Variants in SLIT1 observed in about 807,000 individuals in gnomAD.
SLIT1 encodes the protein slit guidance ligand 1, also known as slit homolog 1 protein.
A neutral mutation model predicts 186.1 loss-of-function variants in SLIT1; 66 were observed. The observed-to-expected ratio is 0.35, with a 90% CI of 0.29 to 0.44. SLIT1 has a LOEUF of 0.44. Among genes scored for constraint, SLIT1 ranks in the 20% least tolerant of loss-of-function variants. The pLI is 1.00. For synonymous variants in SLIT1, 761 were observed against 833.8 expected (o/e 0.91, Z 1.50); for missense variants, 1,638 against 2,037.4 (o/e 0.80, Z 3.77).
chr10:97,003,850 C>T (rs562669510), intron 34 of SLIT1, among the ~76,000 whole-genome samples: 6 of 152,332 alleles, frequency 3.9e-5, no homozygotes, highest in East Asian at 3.9e-4. Context: ...CTAAGCCAGA[C>T]CTTGCACCCA....
At position 97,073,154 on chromosome 10, in the gene SLIT1, T is replaced by C. The variant is rs183129468; in HGVS notation, c.414-7068A>G. Among the ~76,000 whole-genome samples the C allele has an allele frequency of 1.1e-4, 16 of 152,310 alleles. No homozygotes were observed. In the East Asian group the frequency reaches 2.9e-3, roughly 28 times the overall value. On this transcript the variant is annotated intron_variant, in intron 4 of 36. Transcript: ENST00000266058. ...TGACTTCCTACCTTGCCAATACTTG[T>C]CTCATCTTTCCCAAATCCCTTTGAA...
At chr10:97,065,449 G>C (rs577511712) in intron 5 of SLIT1, 1 of 154,612 alleles carries the variant, frequency 6.5e-6, no homozygotes, top group Non-Finnish European at 1.4e-5. Context: ...AGACTTCAAG[G>C]AGGTGGTAAG....
In SLIT1 at chr10:97,155,372, A is replaced by C. The variant is rs1199040726; in HGVS notation, c.413+2446T>G. 2 of 152,366 alleles carry C rather than the reference A, an allele frequency of 1.3e-5. 1 individual carries two copies. The highest frequency in any genetic ancestry group is 6.3e-3 in the Middle Eastern group (2 of 316). 9.4% of individuals were successfully genotyped at this position (152,366 alleles called of 1,614,324 possible). The stretch of plus-strand genomic sequence containing the variant: ...TGTCATTTTCCTCAGGAAGGAACAC[A>C]GGTGTGTGCAAGGCACCAATGTCCA... On this transcript the variant is annotated intron_variant, in intron 4 of 36. Transcript: ENST00000266058.
At chr10:97,081,771 A>G (rs1050564873) in intron 4 of SLIT1, among the ~76,000 whole-genome samples, 3 of 152,192 alleles carry the variant, frequency 2.0e-5, no homozygotes, top group Non-Finnish European at 2.9e-5. Flanking sequence ...GCAGGTGGCC[A>G]CAACAAAAGC....
At chr10:97,098,257 T>C (rs778563219) in intron 4 of SLIT1, among the ~76,000 whole-genome samples, 14 of 152,218 alleles carry the variant, frequency 9.2e-5, no homozygotes, top group Non-Finnish European at 1.6e-4. Context: ...GCTCTCGCTA[T>C]GGGCCGGACA....
intron 3 of SLIT1, among the ~76,000 whole-genome samples, chr10:97,158,543 T>A (rs1849982440): frequency 6.6e-6 from 1 of 151,394 alleles, no homozygotes; most frequent in South Asian, 2.1e-4. Context: ...GCGCCTGTAA[T>A]CCCAGCTACT....
chr10:97,090,019 TC>T (rs1381100963), intron 4 of SLIT1, among the ~76,000 whole-genome samples: 6 of 152,150 alleles, frequency 3.9e-5, no homozygotes, highest in Non-Finnish European at 8.8e-5. Context: ...TTCAGCTCAG[TC>T]CCTGCTGGCA....
chr10:97,054,566 C>T (rs1316017422), intron 13 of SLIT1, among the ~76,000 whole-genome samples: 1 of 152,158 alleles, frequency 6.6e-6, no homozygotes, highest in African/African-American at 2.4e-5. Flanking sequence ...AAAAGGGAGA[C>T]AGCCAGACAT....
intron 4 of SLIT1, among the ~76,000 whole-genome samples, chr10:97,109,239 T>C (rs1297676355): frequency 1.3e-5 from 2 of 149,264 alleles, no homozygotes; most frequent in Non-Finnish European, 3.0e-5. Context: ...CAGTGAGAAA[T>C]AGATGAAAAG....
intron 4 of SLIT1, among the ~76,000 whole-genome samples, chr10:97,135,438 A>C (rs1187163817): frequency 2.0e-5 from 3 of 152,204 alleles, no homozygotes; most frequent in Non-Finnish European, 4.4e-5. Context: ...AGCCAGGGCA[A>C]CAGAACAGTA....
chr10:97,047,906 C>A (rs1250603567), intron 15 of SLIT1, 67 bp downstream of exon 15: 16 of 1,612,168 alleles, frequency 9.9e-6, no homozygotes, highest in Non-Finnish European at 1.4e-5. Flanking sequence ...TCAACCAAGG[C>A]CCCCAGCCTG....
Position 96,998,157 on chromosome 10 carries a change from G to C in SLIT1, c.*2955C>G, listed in dbSNP as rs1848264101. 6.6e-6 allele frequency: 1 copy of C among 152,224 alleles called. No individual in the cohort carries two copies. The highest frequency in any genetic ancestry group is 2.4e-5 in the African/African-American group (1 of 41,436). The allele number at this position is 152,224 out of a possible 1,614,324, so 9.4% of individuals were successfully genotyped here. A position where few individuals can be genotyped will look rare whatever the true frequency, so the allele number is the denominator to read the frequency against. The stretch of plus-strand genomic sequence containing the variant: ...GGGCCTGTTCTAAACCAGCCTCTAG[G>C]AGTTGATCCAAACAAGACGACTACA... On this transcript the variant is annotated 3_prime_UTR_variant, in exon 37 of 37. Coordinates refer to ENST00000266058, the MANE Select transcript of SLIT1 (RefSeq NM_003061.3).
chr10:97,060,509 G>T, intron 9 of SLIT1, 131 bp downstream of exon 9: 1 of 1,139,526 alleles, frequency 8.8e-7, no homozygotes, highest in Non-Finnish European at 1.2e-6. Flanking sequence ...GAGGCAAACT[G>T]TGTCTTCTCT....
rs555969443 is a variant in SLIT1, at chr10:97,117,978, T to G, written c.413+39840A>C. ...AGATTCTCAATAAGAAGGTCAGGGG[T>G]AAGGCTCTGAAATCTACATTTTTTA... On this transcript the variant is annotated intron_variant, in intron 4 of 36. Transcript: ENST00000266058. 5.3e-5 allele frequency among the ~76,000 whole-genome samples: 8 copies of G among 152,294 alleles called. No homozygotes were observed. In the East Asian group the frequency reaches 1.5e-3, roughly 29 times the overall value.
rs1436095299 is a variant in SLIT1, at chr10:97,060,635, C to T, written c.941+5G>A. The T allele has an allele frequency of 6.2e-7, 1 of 1,612,546 alleles. No homozygotes were observed. Among genetic ancestry groups the T allele is most frequent in the African/African-American group, 1.3e-5 (1 of 74,912 alleles). On this transcript the variant is annotated splice_donor_5th_base_variant and intron_variant, in intron 9 of 36. Transcript: ENST00000266058. ...GCCCCAGCATCTGCCCTGCCCCGTA[C>T]TCACATCTCCGTCATGGTCTCGGGC...
rs1007939799 is a variant in SLIT1, at chr10:97,185,327, CG to C, written c.197+150del. ...ACCACGGCGCTCCTGGCTCCTGGCT[CG>C]GGAAAGACCCCGGCAGGCACTGACC... On this transcript the variant is annotated intron_variant, in intron 1 of 36. Coordinates refer to ENST00000266058, the MANE Select transcript of SLIT1 (RefSeq NM_003061.3). 9.4e-6 allele frequency: 7 copies of C among 743,836 alleles called. No homozygotes were observed. In the Admixed American group the frequency reaches 2.1e-4, roughly 23 times the overall value. 46.1% of individuals were successfully genotyped at this position (743,836 alleles called of 1,614,324 possible).
chr10:97,144,228 A>G (rs1849794553), intron 4 of SLIT1, among the ~76,000 whole-genome samples: 1 of 151,916 alleles, frequency 6.6e-6, no homozygotes, highest in African/African-American at 2.4e-5. Flanking sequence ...TTAAGCAGAG[A>G]TCTATTCCAG....
intron 30 of SLIT1, 44 bp from the exon 31 acceptor site, chr10:97,011,174 G>C (rs762918673): frequency 2.0e-6 from 3 of 1,473,994 alleles, no homozygotes; most frequent in South Asian, 2.3e-5. Flanking sequence ...CAGCCACACA[G>C]AGTCTGGGAG....
chr10:97,070,773 T>G (rs560393094), intron 4 of SLIT1, among the ~76,000 whole-genome samples: 131 of 152,340 alleles, frequency 8.6e-4, no homozygotes, highest in South Asian at 3.9e-3. Flanking sequence ...CCTCTAGAAC[T>G]GTGAGAAATA....
Sources: gnomAD v4.1 joint callset for allele counts (sites outside exome capture counted in the v4.1 genomes callset) on GRCh38, gnomAD v4.1.1 for gene constraint, MANE v1.5 for transcripts, NCBI Gene and HGNC (gene_info 2026-07-23, HGNC 2026-07-21) for gene names.